ATXN1: variants seen among roughly 807,000 people sequenced by gnomAD.
The protein encoded by ATXN1 is ataxin 1.
ATXN1 carries 8 observed loss-of-function variants against 56.4 expected under a neutral mutation model. The ratio of observed to expected loss-of-function variants is 0.14; its 90% CI spans 0.08 to 0.26. The LOEUF is 0.26. Among genes scored for constraint, ATXN1 ranks in the 10% least tolerant of loss-of-function variants. ATXN1 has a pLI of 1.00. For synonymous variants in ATXN1, 514 were observed against 494.6 expected (o/e 1.04, Z -0.52); for missense variants, 987 against 1,106.5 (o/e 0.89, Z 1.53).
intron 4 of ATXN1, among the ~76,000 whole-genome samples, chr6:16,548,824 G>A (rs1003869671): frequency 3.9e-5 from 6 of 152,174 alleles, no homozygotes; most frequent in Non-Finnish European, 8.8e-5. Flanking sequence ...TCAGGAGGCT[G>A]AGGCAGGAGA....
At chr6:16,555,973 G>A (rs898102147) in intron 4 of ATXN1, among the ~76,000 whole-genome samples, 1 of 152,136 alleles carries the variant, frequency 6.6e-6, no homozygotes, top group Non-Finnish European at 1.5e-5. Flanking sequence ...GGCTTTCTTT[G>A]CAAGAGATCA....
intron 2 of ATXN1, among the ~76,000 whole-genome samples, chr6:16,703,997 C>A (rs1316722258): frequency 6.6e-6 from 1 of 152,136 alleles, no homozygotes; most frequent in Non-Finnish European, 1.5e-5. Flanking sequence ...CCAGTGCAGG[C>A]AACAAGAGCG....
intron 6 of ATXN1, among the ~76,000 whole-genome samples, chr6:16,453,634 T>C (rs1044180311): frequency 6.6e-6 from 1 of 152,042 alleles, no homozygotes; most frequent in African/African-American, 2.4e-5. Flanking sequence ...AAACTTCAAA[T>C]GAAAGAGGGT....
intron 4 of ATXN1, among the ~76,000 whole-genome samples, chr6:16,583,585 G>A (rs774866954): frequency 1.3e-5 from 2 of 152,178 alleles, no homozygotes; most frequent in African/African-American, 4.8e-5. Context: ...GGTGCCAGAC[G>A]GTGAGGGACT....
chr6:16,482,256 G>T (rs1760454960), intron 6 of ATXN1, among the ~76,000 whole-genome samples: 1 of 152,144 alleles, frequency 6.6e-6, no homozygotes. Flanking sequence ...TTTACTGACT[G>T]CCCATTATGG....
chr6:16,462,704 T>C (rs186968141), intron 6 of ATXN1, among the ~76,000 whole-genome samples: 2 of 152,296 alleles, frequency 1.3e-5, no homozygotes, highest in African/African-American at 4.8e-5. Context: ...GAATACCATC[T>C]TAACTTTCCA....
At chr6:16,681,418 G>A (rs1452915345) in intron 2 of ATXN1, among the ~76,000 whole-genome samples, 2 of 152,202 alleles carry the variant, frequency 1.3e-5, no homozygotes, top group African/African-American at 4.8e-5. Context: ...GTAGTATTTA[G>A]AGGAAAGGAA....
intron 7 of ATXN1, among the ~76,000 whole-genome samples, chr6:16,315,662 A>C (rs1224827133): frequency 1.3e-5 from 2 of 151,986 alleles, no homozygotes; most frequent in Non-Finnish European, 2.9e-5. Context: ...TAGTTTCCAT[A>C]GCTTCCTTTT....
At chr6:16,571,838 T>G (rs56070209) in intron 4 of ATXN1, among the ~76,000 whole-genome samples, 3,508 of 152,146 alleles carry the variant, frequency 0.023, 62 homozygotes, top group Non-Finnish European at 0.034. Context: ...GTTTTAAATT[T>G]TTTTTGTAGA....
chr6:16,753,640 A>G (rs989923635), intron 1 of ATXN1, among the ~76,000 whole-genome samples: 4 of 152,190 alleles, frequency 2.6e-5, no homozygotes, highest in African/African-American at 7.2e-5. Context: ...CTTTTCTCCA[A>G]TGATTCTAGC....
rs1320409726 is a variant in ATXN1 at position 16,303,588 on chromosome 6, G to GTGT, written c.*2738_*2740dup. On this transcript the variant is annotated 3_prime_UTR_variant, in exon 8 of 8. Coordinates refer to ENST00000436367, the MANE Select transcript of ATXN1 (RefSeq NM_001128164.2). The surrounding 1 kb of genome is among the most constrained non-coding windows in gnomAD (Gnocchi z 4.3). ...AAAGCAAGAGAATGAAATGGGACAA[G>GTGT]TGTTTAGAAAGAACCAATTATTTTA... 6.5e-6 allele frequency: 1 copy of GTGT among 152,676 alleles called. No individual in the cohort carries two copies. Among genetic ancestry groups the GTGT allele is most frequent in the African/African-American group, 2.4e-5 (1 of 41,472 alleles). 9.5% of individuals were successfully genotyped at this position (152,676 alleles called of 1,614,324 possible).
intron 6 of ATXN1, among the ~76,000 whole-genome samples, chr6:16,462,231 G>C (rs1760014137): frequency 6.6e-6 from 1 of 152,114 alleles, no homozygotes; most frequent in South Asian, 2.1e-4. Flanking sequence ...AAGGTGGCAG[G>C]AGTGGAATCT....
chr6:16,702,317 C>G (rs937442195), intron 2 of ATXN1, among the ~76,000 whole-genome samples: 1 of 152,182 alleles, frequency 6.6e-6, no homozygotes, highest in African/African-American at 2.4e-5. Context: ...TTCCTTACAC[C>G]TTATACAAAA....
At chr6:16,601,603 C>A (rs1762912602) in intron 3 of ATXN1, among the ~76,000 whole-genome samples, 1 of 152,186 alleles carries the variant, frequency 6.6e-6, no homozygotes, top group Non-Finnish European at 1.5e-5. Context: ...GTAATCCCAG[C>A]ACTTAGTGAG....
chr6:16,706,746 A>G (rs1339368541), intron 2 of ATXN1, among the ~76,000 whole-genome samples: 4 of 149,596 alleles, frequency 2.7e-5, no homozygotes, highest in Non-Finnish European at 5.9e-5. Context: ...AAAAAGGAAG[A>G]AAGAAAGAGG....
chr6:16,440,649 A>AAAAAAAAAAAAAAAAG (rs56105499), intron 6 of ATXN1, among the ~76,000 whole-genome samples: 28,615 of 109,006 alleles, frequency 0.26, 4,996 homozygotes, highest in Non-Finnish European at 0.34. Flanking sequence ...TTAAAAAAAA[A>AAAAAAAAAAAAAAAAG]AAAGAAAAGA....
rs370675430 is a variant in ATXN1, at chr6:16,327,395, T to C, written c.916A>G (p.Thr306Ala). The C allele has an allele frequency of 1.9e-6, 3 of 1,613,586 alleles. No homozygotes were observed. The highest frequency in any genetic ancestry group is 1.3e-5 in the African/African-American group (1 of 75,044). Residue 306 changes from threonine (T) to alanine (A), a missense_variant, in exon 7 of 8, where the codon ACC becomes GCC. By Grantham distance (58) the Thr-to-Ala change is moderately conservative. Coordinates refer to ENST00000436367, the MANE Select transcript of ATXN1 (RefSeq NM_001128164.2). ...SGSHFVPREA[T>A]KKAESSRLQQ... The stretch of plus-strand genomic sequence containing the variant: ...AGCCGGCTGCTCTCAGCTTTCTTGG[T>C]GGCCTCCCGAGGGACAAAGTGGCTG...
intron 2 of ATXN1, among the ~76,000 whole-genome samples, chr6:16,706,656 G>A (rs1353951054): frequency 2.0e-5 from 3 of 150,884 alleles, no homozygotes; most frequent in Admixed American, 6.6e-5. Flanking sequence ...ACCCAGAGGC[G>A]GAAGTTGCAG....
intron 6 of ATXN1, among the ~76,000 whole-genome samples, chr6:16,365,467 C>T (rs1373367129): frequency 6.6e-6 from 1 of 152,258 alleles, no homozygotes; most frequent in Non-Finnish European, 1.5e-5. Flanking sequence ...CATTGAGCCA[C>T]TGCGCCTGGC....
Sources: gnomAD v4.1 joint callset for allele counts (sites outside exome capture counted in the v4.1 genomes callset) on GRCh38, gnomAD v4.1.1 for gene constraint, Gnocchi (gnomAD v3.1) non-coding constraint, MANE v1.5 for transcripts, NCBI Gene and HGNC (gene_info 2026-07-23, HGNC 2026-07-21) for gene names.